ASTN2: variants seen among roughly 807,000 people sequenced by gnomAD.
ASTN2 encodes astrotactin-2.
A neutral mutation model predicts 139.8 loss-of-function variants in ASTN2; 54 were observed. The ratio of observed to expected loss-of-function variants is 0.39; its 90% CI spans 0.31 to 0.48. The LOEUF is 0.48. Among genes scored for constraint, ASTN2 ranks in the 20% least tolerant of loss-of-function variants. ASTN2 has a pLI of 0.95. For synonymous variants in ASTN2, 756 were observed against 719.5 expected, an observed-to-expected ratio of 1.05 and a Z score of -0.81; for missense variants, 1,565 against 1,725.1, an observed-to-expected ratio of 0.91 and a Z score of 1.64.
chr9:116,486,130 C>T (rs1849330842), intron 20 of ASTN2, among the ~76,000 whole-genome samples: 1 of 152,198 alleles, frequency 6.6e-6, no homozygotes, highest in East Asian at 1.9e-4. Context: ...CCTAAAGTCA[C>T]ATAACTAAAA....
intron 4 of ASTN2, among the ~76,000 whole-genome samples, chr9:117,120,012 G>GTATATATATATATA (rs1194137211): frequency 5.8e-5 from 4 of 68,778 alleles, no homozygotes; most frequent in Admixed American, 3.5e-4. Flanking sequence ...GTGTGTGTGT[G>GTATATATATATATA]TGTGTGTATA....
At chr9:117,371,562 C>G (rs549108273) in intron 1 of ASTN2, among the ~76,000 whole-genome samples, 2 of 152,186 alleles carry the variant, frequency 1.3e-5, no homozygotes, top group Admixed American at 1.3e-4. Context: ...CATCTTCCCC[C>G]CAATAGTTGT....
chr9:117,146,126 A>C (rs1001098949), intron 3 of ASTN2, among the ~76,000 whole-genome samples: 2 of 152,118 alleles, frequency 1.3e-5, no homozygotes, highest in Non-Finnish European at 2.9e-5. Context: ...AACTCCCCCT[A>C]TCCCTGATCC....
At chr9:116,734,363 T>C (rs973014808) in intron 13 of ASTN2, among the ~76,000 whole-genome samples, 53 of 152,162 alleles carry the variant, frequency 3.5e-4, no homozygotes, top group Admixed American at 3.5e-3. Context: ...GCAGGTTTCA[T>C]TCTTCTAGAC....
chr9:117,322,982 A>G (rs1290395145), intron 1 of ASTN2, among the ~76,000 whole-genome samples: 1 of 152,042 alleles, frequency 6.6e-6, no homozygotes, highest in African/African-American at 2.4e-5. Flanking sequence ...CTACTCTCCT[A>G]GAGTCAAGTC....
intron 5 of ASTN2, among the ~76,000 whole-genome samples, chr9:117,073,722 G>A (rs565826556): frequency 6.6e-6 from 1 of 152,238 alleles, no homozygotes; most frequent in Non-Finnish European, 1.5e-5. Flanking sequence ...ACCACTGGGG[G>A]GTGCTCTTGG....
chr9:117,033,958 C>T (rs1279782935), intron 6 of ASTN2, among the ~76,000 whole-genome samples: 1 of 152,164 alleles, frequency 6.6e-6, no homozygotes, highest in African/African-American at 2.4e-5. Flanking sequence ...TAGGTTCCTT[C>T]AACGCTTGTT....
At chr9:117,099,955 G>A (rs1043988537) in intron 4 of ASTN2, among the ~76,000 whole-genome samples, 6 of 152,174 alleles carry the variant, frequency 3.9e-5, no homozygotes, top group African/African-American at 1.2e-4. Flanking sequence ...AGCTTGCTTC[G>A]TACCTAATAC....
intron 2 of ASTN2, among the ~76,000 whole-genome samples, chr9:117,239,153 A>G (rs1833133411): frequency 1.3e-5 from 2 of 152,304 alleles, no homozygotes; most frequent in South Asian, 2.1e-4. Context: ...TTGGGGAACC[A>G]AGAGGCCCTG....
At chr9:116,639,137 G>T (rs1238658209) in intron 17 of ASTN2, among the ~76,000 whole-genome samples, 2 of 152,152 alleles carry the variant, frequency 1.3e-5, no homozygotes, top group African/African-American at 4.8e-5. Flanking sequence ...GAACTAAGTT[G>T]ATTTTGGAGT....
chr9:117,391,270 A>G lies in ASTN2; in HGVS notation c.442+23227T>C, dbSNP rs550534464. ...ATGGGAAGTCATCATGAATTTAAGT[A>G]TGAGTCCATTTTCATGCTGCTGATA... On this transcript the variant is annotated intron_variant, in intron 1 of 22. Coordinates refer to ENST00000313400, the MANE Select transcript of ASTN2 (RefSeq NM_001365068.1). Among the ~76,000 whole-genome samples, 10 of 152,274 alleles carry G rather than the reference A, an allele frequency of 6.6e-5. No homozygotes were observed. The East Asian group carries it at 1.2e-3, about 18-fold the overall frequency.
chr9:117,298,691 T>TATAC (rs57201560), intron 1 of ASTN2, among the ~76,000 whole-genome samples: 3 of 116,340 alleles, frequency 2.6e-5, no homozygotes, highest in South Asian at 3.1e-4. Flanking sequence ...TATATATATA[T>TATAC]GTGCATATGT....
At chr9:117,161,035 C>T (rs1830539238) in intron 3 of ASTN2, among the ~76,000 whole-genome samples, 1 of 152,002 alleles carries the variant, frequency 6.6e-6, no homozygotes, top group African/African-American at 2.4e-5. Context: ...GAAATTTTGG[C>T]AGATCTTTTA....
chr9:117,126,952 G>A (rs939789194), intron 4 of ASTN2, among the ~76,000 whole-genome samples: 3 of 152,194 alleles, frequency 2.0e-5, no homozygotes, highest in African/African-American at 7.2e-5. Flanking sequence ...AGGTAGTTAA[G>A]CTTAGACAGA....
intron 17 of ASTN2, among the ~76,000 whole-genome samples, chr9:116,629,386 GGA>G: frequency 6.6e-6 from 1 of 152,104 alleles, no homozygotes; most frequent in Non-Finnish European, 1.5e-5. Flanking sequence ...CAAAGTGCTG[GGA>G]TTACAGGCGT....
chr9:117,398,986 T>C (rs1358393876), intron 1 of ASTN2, among the ~76,000 whole-genome samples: 1 of 152,152 alleles, frequency 6.6e-6, no homozygotes, highest in African/African-American at 2.4e-5. Context: ...TTTCACCACA[T>C]TGGCCAGGAT....
chr9:117,088,180 T>C (rs1271216587), intron 5 of ASTN2, among the ~76,000 whole-genome samples: 1 of 152,158 alleles, frequency 6.6e-6, no homozygotes, highest in African/African-American at 2.4e-5. Context: ...AAGCCCTTGG[T>C]CAGTGGTCAA....
intron 19 of ASTN2, 91 bp from the exon 20 acceptor site, chr9:116,487,591 T>C (rs889581785): frequency 1.7e-5 from 21 of 1,269,756 alleles, no homozygotes; most frequent in Admixed American, 2.8e-5. Context: ...AATGTCTTGA[T>C]ACCATTATCA....
chr9:117,106,483 G>A (rs1431738673), intron 4 of ASTN2, among the ~76,000 whole-genome samples: 3 of 152,018 alleles, frequency 2.0e-5, no homozygotes, highest in Non-Finnish European at 4.4e-5. Context: ...ATAAACGTGA[G>A]CCACTGCACC....
Sources: gnomAD v4.1 joint callset for allele counts (sites outside exome capture counted in the v4.1 genomes callset) on GRCh38, gnomAD v4.1.1 for gene constraint, MANE v1.5 for transcripts, NCBI Gene and HGNC (gene_info 2026-07-23, HGNC 2026-07-21) for gene names.